Variants in PLPPR1 observed in about 807,000 individuals in gnomAD.
PLPPR1 encodes phospholipid phosphatase-related protein type 1.
In PLPPR1, 10 loss-of-function variants were observed where a neutral mutation model predicts 33.1. That is an observed-to-expected ratio of 0.30 (90% CI 0.19 to 0.51). The LOEUF is 0.51. PLPPR1 is among the 20% of genes least tolerant of loss of function. The pLI, the probability that PLPPR1 is intolerant of heterozygous loss-of-function variation, is 0.97. For missense variants in PLPPR1, 304 were observed against 408.1 expected (o/e 0.74, Z 2.20); for synonymous variants, 151 against 151.0 (o/e 1.00, Z 0.00).
At chr9:101,091,702 A>T (rs1172478889) in intron 1 of PLPPR1, among the ~76,000 whole-genome samples, 1 of 152,204 alleles carries the variant, frequency 6.6e-6, no homozygotes, top group Admixed American at 6.5e-5. Flanking sequence ...TAGTATATTC[A>T]TAGATTCTGG....
chr9:101,134,017 CT>C (rs1831348055), intron 1 of PLPPR1, among the ~76,000 whole-genome samples: 1 of 152,138 alleles, frequency 6.6e-6, no homozygotes, highest in Admixed American at 6.5e-5. Flanking sequence ...ATAGAACTGG[CT>C]CATGGAAAGC....
intron 2 of PLPPR1, among the ~76,000 whole-genome samples, chr9:101,259,874 G>T (rs1051239532): frequency 2.6e-5 from 4 of 152,104 alleles, no homozygotes; most frequent in African/African-American, 9.7e-5. Context: ...AATCGGATAT[G>T]CATTTATCTC....
At chr9:101,293,946 C>A (rs1256203989) in intron 4 of PLPPR1, among the ~76,000 whole-genome samples, 1 of 151,868 alleles carries the variant, frequency 6.6e-6, no homozygotes, top group Admixed American at 6.5e-5. Context: ...CAAGAAATAA[C>A]TAAAATCAGA....
intron 7 of PLPPR1, among the ~76,000 whole-genome samples, chr9:101,322,316 G>A (rs1483830366): frequency 2.0e-5 from 3 of 149,536 alleles, no homozygotes; most frequent in African/African-American, 4.9e-5. Flanking sequence ...AAAGCATTGA[G>A]TTTTAAGTTC....
In PLPPR1 at chr9:101,219,632, A is replaced by G. The variant is rs985440252; in HGVS notation, c.63+34075A>G. On this transcript the variant is annotated intron_variant, in intron 2 of 7. Transcript: ENST00000374874. ...GTTCTACTTGTGGTATCAAATTCTCAACATTTTGACTGTGCTGCTCCTCAT... is the reference window on the plus strand; with the variant it reads ...GTTCTACTTGTGGTATCAAATTCTCGACATTTTGACTGTGCTGCTCCTCAT... Among the ~76,000 whole-genome samples, 4 of 152,320 alleles carry G rather than the reference A, an allele frequency of 2.6e-5. No homozygotes were observed. The South Asian group carries it at 6.2e-4, about 24-fold the overall frequency.
At chr9:101,073,247 G>A (rs1312392492) in intron 1 of PLPPR1, among the ~76,000 whole-genome samples, 1 of 152,112 alleles carries the variant, frequency 6.6e-6, no homozygotes, top group Non-Finnish European at 1.5e-5. Context: ...AGGATTCTGG[G>A]TTGAAATTTG....
At chr9:101,316,129 T>C (rs74575951) in intron 6 of PLPPR1, among the ~76,000 whole-genome samples, 5,504 of 152,194 alleles carry the variant, frequency 0.036, 344 homozygotes, top group African/African-American at 0.12. Context: ...GGTTCCCCTC[T>C]TCCCAGTTAA....
At chr9:101,318,979 T>C (rs1381763597) in intron 7 of PLPPR1, among the ~76,000 whole-genome samples, 1 of 152,196 alleles carries the variant, frequency 6.6e-6, no homozygotes, top group African/African-American at 2.4e-5. Flanking sequence ...TGTTTTGTCA[T>C]AGTCTGTTTA....
At chr9:101,053,830 A>G (rs935354732) in intron 1 of PLPPR1, among the ~76,000 whole-genome samples, 6 of 152,166 alleles carry the variant, frequency 3.9e-5, no homozygotes, top group African/African-American at 1.4e-4. Context: ...TCTGTAAAAA[A>G]TTAGAAGCAT....
chr9:101,084,243 C>T (rs1270506679), intron 1 of PLPPR1, among the ~76,000 whole-genome samples: 1 of 152,174 alleles, frequency 6.6e-6, no homozygotes, highest in South Asian at 2.1e-4. Context: ...ATTCCAGGAT[C>T]TGGATAGGTT....
chr9:101,313,895 A>C (rs529775654), intron 6 of PLPPR1, among the ~76,000 whole-genome samples: 4 of 152,274 alleles, frequency 2.6e-5, no homozygotes, highest in Non-Finnish European at 5.9e-5. Context: ...CTACGATTTC[A>C]TATTAATTGA....
At chr9:101,227,879 C>T (rs1277499909) in intron 2 of PLPPR1, among the ~76,000 whole-genome samples, 8 of 152,146 alleles carry the variant, frequency 5.3e-5, no homozygotes, top group African/African-American at 9.7e-5. Flanking sequence ...TGGGTTCAAG[C>T]GATTCTCCTG....
intron 1 of PLPPR1, among the ~76,000 whole-genome samples, chr9:101,056,100 G>A (rs1830275087): frequency 6.6e-6 from 1 of 152,102 alleles, no homozygotes; most frequent in Non-Finnish European, 1.5e-5. Context: ...TGGTATTCTG[G>A]GGAAGTATGT....
At chr9:101,094,040 A>G (rs951891821) in intron 1 of PLPPR1, among the ~76,000 whole-genome samples, 1 of 152,158 alleles carries the variant, frequency 6.6e-6, no homozygotes, top group African/African-American at 2.4e-5. Context: ...ATCATCATCC[A>G]TCTGAATTGC....
At chr9:101,218,127 A>G (rs1826842240) in intron 2 of PLPPR1, among the ~76,000 whole-genome samples, 1 of 152,194 alleles carries the variant, frequency 6.6e-6, no homozygotes, top group Admixed American at 6.5e-5. Flanking sequence ...CAATTCAAGT[A>G]CGATCTATCA....
At chr9:101,235,221 C>T (rs1372534843) in intron 2 of PLPPR1, among the ~76,000 whole-genome samples, 1 of 151,788 alleles carries the variant, frequency 6.6e-6, no homozygotes, top group Non-Finnish European at 1.5e-5. Flanking sequence ...TCCCCCGATT[C>T]CTTTCATGAT....
Position 101,324,574 on chromosome 9 carries a change from C to A in PLPPR1, c.*517C>A, listed in dbSNP as rs915241498. Reference sequence around the variant, plus strand: ...AGAATGTTGCACTCTGATCTCTTAACAAATTGTTACGTTCAAAGTTTAAAG... The same window carrying A: ...AGAATGTTGCACTCTGATCTCTTAAAAAATTGTTACGTTCAAAGTTTAAAG... On this transcript the variant is annotated 3_prime_UTR_variant, in exon 8 of 8. Transcript: ENST00000374874. The A allele has an allele frequency of 6.6e-6, 1 of 152,286 alleles. No individual in the cohort carries two copies. Among genetic ancestry groups the A allele is most frequent in the African/African-American group, 2.4e-5 (1 of 41,388 alleles). 9.4% of individuals were successfully genotyped at this position (152,286 alleles called of 1,614,324 possible).
intron 7 of PLPPR1, 21 bp downstream of exon 7, chr9:101,317,517 CA>C: frequency 6.2e-7 from 1 of 1,608,076 alleles, no homozygotes; most frequent in Non-Finnish European, 8.5e-7. Flanking sequence ...GCAGTTTTAG[CA>C]AACCAAACCC....
chr9:101,271,425 C>T (rs1828098868), intron 3 of PLPPR1, among the ~76,000 whole-genome samples: 1 of 152,200 alleles, frequency 6.6e-6, no homozygotes, highest in Non-Finnish European at 1.5e-5. Flanking sequence ...AGACCAACTT[C>T]CTACTTCTGA....
Sources: gnomAD v4.1 joint callset for allele counts (sites outside exome capture counted in the v4.1 genomes callset) on GRCh38, gnomAD v4.1.1 for gene constraint, MANE v1.5 for transcripts, NCBI Gene and HGNC (gene_info 2026-07-23, HGNC 2026-07-21) for gene names.